Variants in ULK4 observed in about 807,000 individuals in gnomAD.
The protein encoded by ULK4 is unc-51 like kinase 4, also known as inactive serine/threonine-protein kinase ULK4.
ULK4 carries 133 observed loss-of-function variants against 160.6 expected under a neutral mutation model. That is an observed-to-expected ratio of 0.83 (90% CI 0.72 to 0.96). ULK4 has a LOEUF of 0.96. ULK4 is among the 40% of genes least tolerant of loss of function. The pLI, the probability that ULK4 is intolerant of heterozygous loss-of-function variation, is 0.00. For missense variants in ULK4, 1,580 were observed against 1,499.5 expected (o/e 1.05, Z -0.89); for synonymous variants, 534 against 539.8 (o/e 0.99, Z 0.15).
intron 19 of ULK4, among the ~76,000 whole-genome samples, chr3:41,806,642 AC>A (rs1272607169): frequency 1.3e-5 from 2 of 151,684 alleles, no homozygotes; most frequent in Non-Finnish European, 2.9e-5. Flanking sequence ...ATTTCCCTCT[AC>A]ACACTGCTTT....
chr3:41,561,808 C>A (rs950258260), intron 32 of ULK4, among the ~76,000 whole-genome samples: 16 of 152,142 alleles, frequency 1.1e-4, no homozygotes, highest in African/African-American at 3.9e-4. Context: ...TTTGAAAAAA[C>A]CAGCTCCTGG....
chr3:41,911,722 G>A (rs914854550), intron 9 of ULK4, 63 bp from the exon 10 acceptor site: 1 of 1,230,390 alleles, frequency 8.1e-7, no homozygotes. Flanking sequence ...TTTTATGTTA[G>A]AGAAAAAGAG....
At chr3:41,932,876 T>C (rs545995196) in intron 4 of ULK4, among the ~76,000 whole-genome samples, 10 of 152,104 alleles carry the variant, frequency 6.6e-5, no homozygotes, top group East Asian at 1.9e-4. Context: ...AAACCTTATC[T>C]CTACTCAAAA....
chr3:41,300,837 TTATATA>T (rs66602936), intron 35 of ULK4, among the ~76,000 whole-genome samples: 1,831 of 57,536 alleles, frequency 0.032, 41 homozygotes, highest in Non-Finnish European at 0.052. Context: ...ATTTTACAGA[TTATATA>T]TATATATATA....
At chr3:41,569,601 A>G (rs1374120015) in intron 31 of ULK4, among the ~76,000 whole-genome samples, 1 of 152,096 alleles carries the variant, frequency 6.6e-6, no homozygotes, top group Non-Finnish European at 1.5e-5. Context: ...ACAACATCCA[A>G]ATTTTCACAC....
intron 32 of ULK4, among the ~76,000 whole-genome samples, chr3:41,517,044 A>G (rs2085773603): frequency 6.6e-6 from 1 of 152,204 alleles, no homozygotes; most frequent in Admixed American, 6.5e-5. Context: ...CAAACCATTC[A>G]ATTAAAAACG....
intron 35 of ULK4, among the ~76,000 whole-genome samples, chr3:41,254,936 A>C (rs528089681): frequency 9.2e-5 from 14 of 152,062 alleles, no homozygotes; most frequent in Non-Finnish European, 1.9e-4. Context: ...GGAGCAAAAC[A>C]AACCCAAACT....
rs570798548 is a variant in ULK4, at chr3:41,398,476, T to C, written c.3493-212A>G. Among the ~76,000 whole-genome samples the C allele has an allele frequency of 8.3e-4, 126 of 151,282 alleles. 1 individual carries two copies. The highest frequency in any genetic ancestry group is 3.0e-3 in the African/African-American group (123 of 41,242). On this transcript the variant is annotated intron_variant, in intron 34 of 36. Coordinates refer to ENST00000301831, the MANE Select transcript of ULK4 (RefSeq NM_017886.4). The stretch of plus-strand genomic sequence containing the variant: ...ACAACTCACTGCAGCCTCAACCTCC[T>C]GGGCTCAAGTGATCCTCCTGCCTCA...
chr3:41,928,073 A>G (rs747099255), intron 5 of ULK4, among the ~76,000 whole-genome samples: 3 of 152,158 alleles, frequency 2.0e-5, no homozygotes, highest in Non-Finnish European at 2.9e-5. Flanking sequence ...ACCACATCAC[A>G]CTTATTCTAA....
At chr3:41,584,676 T>C (rs941467803) in intron 31 of ULK4, among the ~76,000 whole-genome samples, 1 of 152,064 alleles carries the variant, frequency 6.6e-6, no homozygotes. Context: ...AAAAACACAC[T>C]AAAAATAGGG....
intron 21 of ULK4, among the ~76,000 whole-genome samples, chr3:41,772,171 G>A (rs1370925519): frequency 2.6e-5 from 4 of 152,134 alleles, no homozygotes; most frequent in African/African-American, 9.7e-5. Flanking sequence ...AGAGAAGCAA[G>A]AGCAAACACA....
At chr3:41,930,733 G>GA (rs1195601126) in intron 5 of ULK4, among the ~76,000 whole-genome samples, 1 of 152,024 alleles carries the variant, frequency 6.6e-6, no homozygotes, top group African/African-American at 2.4e-5. Flanking sequence ...ACAAACATAT[G>GA]AAAAAAAGCT....
chr3:41,710,332 T>C (rs906534828), intron 25 of ULK4, among the ~76,000 whole-genome samples: 13 of 151,984 alleles, frequency 8.6e-5, no homozygotes, highest in Non-Finnish European at 1.3e-4. Flanking sequence ...GAGGACGGGG[T>C]AGTAGGCATT....
intron 30 of ULK4, among the ~76,000 whole-genome samples, chr3:41,650,978 GCTCT>G (rs1044426969): frequency 5.9e-5 from 9 of 152,040 alleles, no homozygotes; most frequent in Admixed American, 3.3e-4. Flanking sequence ...TCTCCTTCTA[GCTCT>G]CTCTTTTTCA....
chr3:41,535,841 G>T (rs1195954045), intron 32 of ULK4, among the ~76,000 whole-genome samples: 1 of 152,148 alleles, frequency 6.6e-6, no homozygotes, highest in African/African-American at 2.4e-5. Flanking sequence ...ACCAGCTGGG[G>T]CCAGGATAGA....
At position 41,398,172 on chromosome 3, in the gene ULK4, G is replaced by A. The variant is rs2082103735; in HGVS notation, c.3585C>T (p.Leu1195=). 2 of 1,613,580 alleles carry A rather than the reference G, an allele frequency of 1.2e-6. No homozygotes were observed. Among genetic ancestry groups the A allele is most frequent in the East Asian group, 4.5e-5 (2 of 44,850 alleles). The part of the protein sequence containing the change: ...QLYGGENPDS[L]SPENVEIFAH... ...CAAAAATTTCCACATTTTCAGGAGA[G>A]AGGCTGTCCGGGTTTTCCCCTCCAT... The change falls in exon 35 of 37, where the codon CTC becomes CTT. Residue 1195 remains leucine (L), a synonymous_variant. Transcript: ENST00000301831.
chr3:41,828,014 T>C (rs1425002057), intron 18 of ULK4, among the ~76,000 whole-genome samples: 1 of 151,992 alleles, frequency 6.6e-6, no homozygotes, highest in Admixed American at 6.6e-5. Flanking sequence ...TCAATCAACA[T>C]AATCCAGCAT....
intron 1 of ULK4, among the ~76,000 whole-genome samples, chr3:41,959,876 A>G (rs1348646519): frequency 6.6e-6 from 1 of 152,210 alleles, no homozygotes; most frequent in Non-Finnish European, 1.5e-5. Flanking sequence ...TAAGATGGGA[A>G]GTTACTAAGC....
intron 27 of ULK4, among the ~76,000 whole-genome samples, chr3:41,686,300 A>C (rs1360876061): frequency 6.6e-6 from 1 of 152,236 alleles, no homozygotes; most frequent in Non-Finnish European, 1.5e-5. Context: ...CACAAATATA[A>C]AATAACCAAC....
Sources: allele counts gnomAD v4.1 joint callset (sites outside exome capture counted in the v4.1 genomes callset), GRCh38; gene constraint gnomAD v4.1.1; transcripts MANE v1.5; gene names NCBI Gene and HGNC (gene_info 2026-07-23, HGNC 2026-07-21).